Variants in ATP11C observed in about 807,000 individuals in gnomAD.
ATP11C encodes ATPase phospholipid transporting 11C (ATP11C blood group).
ATP11C carries 36 observed loss-of-function variants against 97.4 expected under a neutral mutation model. The ratio of observed to expected loss-of-function variants is 0.37; its 90% CI spans 0.28 to 0.49. The LOEUF (loss-of-function observed/expected upper bound fraction) is 0.49, where lower values mean the gene tolerates loss of function less well. Ranked by LOEUF, ATP11C falls within the 20% of genes least tolerant of loss-of-function variation. The pLI is 0.98. For missense variants in ATP11C, 730 were observed against 824.6 expected, an observed-to-expected ratio of 0.89 and a Z score of 1.40; for synonymous variants, 275 against 290.9, an observed-to-expected ratio of 0.95 and a Z score of 0.56.
chrX:139,838,809 G>A (rs182086806), intron 1 of ATP11C, among the ~76,000 whole-genome samples: 11 of 111,354 alleles, frequency 9.9e-5, no homozygotes, highest in African/African-American at 3.6e-4. Flanking sequence ...TTATCCAGGC[G>A]TGGTGGCAGA....
At chrX:139,892,145 C>T (rs2084741036) in intron 1 of ATP11C, among the ~76,000 whole-genome samples, 2 of 111,700 alleles carry the variant, frequency 1.8e-5, no homozygotes, top group South Asian at 7.6e-4. Context: ...GCGCGAGCTA[C>T]TGCACCCGGC....
chrX:139,743,260 C>T (rs1191966885), intron 26 of ATP11C, among the ~76,000 whole-genome samples: 2 of 109,957 alleles, frequency 1.8e-5, no homozygotes, highest in East Asian at 2.8e-4. Flanking sequence ...CTTATCATAA[C>T]GCCTTAAAAA....
chrX:139,737,052 GAAT>G lies in ATP11C; in HGVS notation c.3288+861_3288+863del, dbSNP rs770785243. 1.2e-4 allele frequency among the ~76,000 whole-genome samples: 13 copies of G among 110,192 alleles called. No individual in the cohort carries two copies. The East Asian group carries it at 3.7e-3, about 32-fold the overall frequency. ...AAATAAGTCAGGTAGTCATAGCTTA[GAAT>G]ATTACCTGAAAATACTGCCTTGGAG... On this transcript the variant is annotated intron_variant, in intron 28 of 29. Transcript: ENST00000682941.
At chrX:139,827,568 G>C (rs937364571) in intron 1 of ATP11C, among the ~76,000 whole-genome samples, 4 of 110,984 alleles carry the variant, frequency 3.6e-5, no homozygotes, top group African/African-American at 9.8e-5. Flanking sequence ...ACTTTAATCA[G>C]GATAATACCC....
upstream of ATP11C, among the ~76,000 whole-genome samples, chrX:139,934,056 G>A (rs12010760): frequency 4.0e-3 from 446 of 111,936 alleles, 3 homozygotes; most frequent in African/African-American, 0.014. Context: ...AACGTGGGAA[G>A]GCTTTAGAGG....
intron 28 of ATP11C, among the ~76,000 whole-genome samples, chrX:139,736,443 C>A (rs1253546145): frequency 9.0e-6 from 1 of 111,427 alleles, no homozygotes; most frequent in East Asian, 2.8e-4. Context: ...AAGTATACTC[C>A]CAAATAAGGA....
chrX:139,769,281 CATATATATATATATATATATAT>C (rs55984113), intron 19 of ATP11C, among the ~76,000 whole-genome samples: 801 of 28,094 alleles, frequency 0.029, 40 homozygotes, highest in African/African-American at 0.076. Context: ...GGCAAACATA[CATATATATATATATATATATAT>C]ATATATATAT....
At chrX:139,928,024 C>T (rs1334031057) in intron 1 of ATP11C, among the ~76,000 whole-genome samples, 1 of 111,927 alleles carries the variant, frequency 8.9e-6, no homozygotes, top group African/African-American at 3.2e-5. Context: ...TGTGAACTGT[C>T]CCTGTCTAGG....
chrX:139,834,701 C>T (rs761053845), intron 1 of ATP11C, among the ~76,000 whole-genome samples: 4 of 111,669 alleles, frequency 3.6e-5, no homozygotes, highest in Non-Finnish European at 7.5e-5. Context: ...TGAGTACTGC[C>T]AACTAGGAAT....
In ATP11C at chrX:139,726,592, C is replaced by T. The variant is rs1248577611; in HGVS notation, c.*2374G>A. The T allele has an allele frequency of 1.8e-5, 2 of 112,590 alleles. No individual in the cohort carries two copies. The highest frequency in any genetic ancestry group is 5.6e-4 in the East Asian group (2 of 3,589). The allele number at this position is 112,590 out of a possible 1,213,427, so 9.3% of individuals were successfully genotyped here. On this transcript the variant is annotated 3_prime_UTR_variant, in exon 30 of 30. Transcript: ENST00000682941. ...TGCATGTTATTAAAAAATTCCATCACTAAATTATTACGAATTTTGCAAAGT... is the reference window on the plus strand; with the variant it reads ...TGCATGTTATTAAAAAATTCCATCATTAAATTATTACGAATTTTGCAAAGT...
chrX:139,751,324 T>C (rs2081810500), intron 23 of ATP11C, among the ~76,000 whole-genome samples: 1 of 112,297 alleles, frequency 8.9e-6, no homozygotes, highest in Non-Finnish European at 1.9e-5. Context: ...CAACTCTGGC[T>C]GGCAGGAGAG....
rs182125742 is a variant in ATP11C, at chrX:139,824,347, T to C, written c.147+2357A>G. Among the ~76,000 whole-genome samples, 626 of 109,910 alleles carry C rather than the reference T, an allele frequency of 5.7e-3. 4 individuals are homozygous for C. Among genetic ancestry groups the C allele is most frequent in the African/African-American group, 0.019 (577 of 29,921 alleles). ...TCCCTGCAGAGTACATTAAAGTTTG[T>C]GAGGCTGTAGAGGCCAAATTTTTCT... On this transcript the variant is annotated intron_variant, in intron 2 of 29. Coordinates refer to ENST00000682941, the MANE Select transcript of ATP11C (RefSeq NM_001353812.2).
intron 23 of ATP11C, among the ~76,000 whole-genome samples, chrX:139,752,874 A>G (rs778352470): frequency 8.9e-6 from 1 of 112,190 alleles, no homozygotes; most frequent in South Asian, 3.7e-4. Flanking sequence ...ATTTATAATG[A>G]AAGATTATCT....
intron 20 of ATP11C, among the ~76,000 whole-genome samples, chrX:139,765,306 G>A (rs1224938054): frequency 9.0e-6 from 1 of 111,690 alleles, no homozygotes; most frequent in East Asian, 2.8e-4. Flanking sequence ...AATGTGCTAA[G>A]AGCCAAAACA....
At chrX:139,904,317 C>T (rs895025916) in intron 1 of ATP11C, among the ~76,000 whole-genome samples, 3 of 110,154 alleles carry the variant, frequency 2.7e-5, no homozygotes, top group Admixed American at 2.0e-4. Flanking sequence ...CACCTGAGGT[C>T]GGGAGTTCGA....
At chrX:139,800,013 A>ACC (rs10717380) in intron 8 of ATP11C, 47 bp downstream of exon 8, 78 of 394,555 alleles carry the variant, frequency 2.0e-4, no homozygotes, top group African/African-American at 3.0e-4. Flanking sequence ...AGAAAAATAG[A>ACC]CCCCCCCCCC....
chrX:139,816,555 AC>A (rs1268827289), intron 4 of ATP11C, among the ~76,000 whole-genome samples: 1 of 112,002 alleles, frequency 8.9e-6, no homozygotes, highest in African/African-American at 3.2e-5. Context: ...AGTTTTTCAC[AC>A]AGACATACCA....
rs1385578853 is a variant in ATP11C, at chrX:139,798,697, T to C, written c.757A>G (p.Asn253Asp). The C allele has an allele frequency of 1.7e-6, 2 of 1,206,539 alleles. No homozygotes were observed. The highest frequency in any genetic ancestry group is 2.2e-6 in the Non-Finnish European group (2 of 891,511). Residue 253 changes from asparagine to aspartate, a missense_variant, in exon 9 of 30, where the codon AAT (asparagine) becomes GAT (aspartate). Coordinates refer to ENST00000682941, the MANE Select transcript of ATP11C (RefSeq NM_001353812.2). Reference sequence around the variant, plus strand: ...TGTTCACCATATATCTTCTCGGTATTTTTTAGCGTAGCTCCTTTCAGCAAG... The same window carrying C: ...TGTTCACCATATATCTTCTCGGTATCTTTTAGCGTAGCTCCTTTCAGCAAG... ...NLLLKGATLK[N>D]TEKIYGVAVY... is the part of the protein sequence containing the mutation.
intron 1 of ATP11C, among the ~76,000 whole-genome samples, chrX:139,857,145 G>A (rs2084103446): frequency 9.0e-6 from 1 of 111,498 alleles, no homozygotes; most frequent in African/African-American, 3.3e-5. Flanking sequence ...CGGGTGCTGT[G>A]TCATACCATG....
Sources: gnomAD v4.1 joint callset for allele counts (sites outside exome capture counted in the v4.1 genomes callset) on GRCh38, gnomAD v4.1.1 for gene constraint, MANE v1.5 for transcripts, NCBI Gene and HGNC (gene_info 2026-07-23, HGNC 2026-07-21) for gene names.